CFAP47: variants seen among roughly 807,000 people sequenced by gnomAD.
CFAP47 encodes the protein cilia- and flagella-associated protein 47.
Under a neutral mutation model 148.1 loss-of-function variants are expected in CFAP47, and 29 were observed. That is an observed-to-expected ratio of 0.20 (90% CI 0.15 to 0.27). The LOEUF is 0.27. Ranked by LOEUF, CFAP47 falls within the 10% of genes least tolerant of loss-of-function variation. The pLI is 1.00. For missense variants in CFAP47, 1,872 were observed against 1,697.5 expected (o/e 1.10, Z -1.81); for synonymous variants, 664 against 577.3 (o/e 1.15, Z -2.15).
At chrX:36,057,969 A>G (rs954411448) in intron 26 of CFAP47, among the ~76,000 whole-genome samples, 2 of 111,994 alleles carry the variant, frequency 1.8e-5, no homozygotes, top group Admixed American at 1.9e-4. Flanking sequence ...AGAAGCATCA[A>G]TGGCAGGAAG....
At position 35,966,769 on chromosome X, in the gene CFAP47, A is replaced by G. The variant is rs777529745; in HGVS notation, c.1600+15A>G. 1 of 1,038,708 alleles carries G rather than the reference A, an allele frequency of 9.6e-7. No individual in the cohort carries two copies. The highest frequency in any genetic ancestry group is 3.1e-5 in the South Asian group (1 of 32,167). 85.6% of individuals were successfully genotyped at this position (1,038,708 alleles called of 1,213,427 possible). A position where few individuals can be genotyped will look rare whatever the true frequency, so the allele number is the denominator to read the frequency against. On this transcript the variant is annotated intron_variant, in intron 9 of 63. Coordinates refer to ENST00000378653, the MANE Select transcript of CFAP47 (RefSeq NM_001304548.2). ...ATTTGATCCTGGTATGCTATTGTGT[A>G]GTGCCCACCTGGCTTTGTTGTTACT...
At chrX:36,165,959 A>T (rs1947506209) in intron 39 of CFAP47, among the ~76,000 whole-genome samples, 1 of 111,627 alleles carries the variant, frequency 9.0e-6, no homozygotes, top group Admixed American at 9.6e-5. Flanking sequence ...ATACAGTCAC[A>T]TTTGGAGATA....
chrX:36,218,930 A>G (rs1940186353), intron 45 of CFAP47, among the ~76,000 whole-genome samples: 1 of 111,951 alleles, frequency 8.9e-6, no homozygotes, highest in Admixed American at 9.5e-5. Flanking sequence ...AGTCCTGGAA[A>G]TCTGCTTGGA....
intron 42 of CFAP47, among the ~76,000 whole-genome samples, chrX:36,193,912 G>A (rs1361068418): frequency 9.0e-6 from 1 of 111,089 alleles, no homozygotes; most frequent in African/African-American, 3.3e-5. Flanking sequence ...CCTTATCAAC[G>A]GTACTATCAG....
intron 57 of CFAP47, among the ~76,000 whole-genome samples, chrX:36,320,347 TA>T (rs2070028182): frequency 8.9e-6 from 1 of 112,281 alleles, no homozygotes; most frequent in Non-Finnish European, 1.9e-5. Flanking sequence ...TAACCACTAC[TA>T]ACATTTCAGT....
chrX:36,181,888 A>T (rs761576483), intron 40 of CFAP47, among the ~76,000 whole-genome samples: 40 of 112,733 alleles, frequency 3.5e-4, no homozygotes, highest in South Asian at 7.3e-4. Flanking sequence ...CTCTTGGTTT[A>T]TCATTTAGGG....
intron 42 of CFAP47, 72 bp from the exon 43 acceptor site, chrX:36,200,307 C>A (rs1398725316): frequency 3.5e-6 from 1 of 287,980 alleles, no homozygotes; most frequent in Non-Finnish European, 6.1e-6. Context: ...ATGCAGATTT[C>A]CCTTGTAGCA....
At chrX:36,372,030 ATG>A (rs200460619) in intron 62 of CFAP47, among the ~76,000 whole-genome samples, 27 of 102,435 alleles carry the variant, frequency 2.6e-4, no homozygotes, top group African/African-American at 5.0e-4. Context: ...ATATGTATAT[ATG>A]TGTGTGTGTA....
At chrX:36,134,521 A>T (rs1939007806) in intron 33 of CFAP47, among the ~76,000 whole-genome samples, 3 of 111,567 alleles carry the variant, frequency 2.7e-5, no homozygotes, top group Non-Finnish European at 5.7e-5. Context: ...TGCAAAAGCA[A>T]TTAAATCAAG....
intron 62 of CFAP47, among the ~76,000 whole-genome samples, chrX:36,378,166 G>A (rs1200308185): frequency 9.0e-6 from 1 of 111,608 alleles, no homozygotes; most frequent in Non-Finnish European, 1.9e-5. Flanking sequence ...GCAGTGTTCC[G>A]CTCTTCTTCT....
intron 33 of CFAP47, among the ~76,000 whole-genome samples, chrX:36,132,655 A>C (rs1302095054): frequency 8.9e-6 from 1 of 111,885 alleles, no homozygotes; most frequent in Non-Finnish European, 1.9e-5. Flanking sequence ...TTGAGTATAA[A>C]AGACAAGATA....
intron 57 of CFAP47, among the ~76,000 whole-genome samples, chrX:36,331,427 T>A (rs1016758070): frequency 4.5e-5 from 5 of 111,326 alleles, no homozygotes; most frequent in African/African-American, 1.6e-4. Context: ...CATCTATACA[T>A]TGTGACTTCC....
intron 26 of CFAP47, among the ~76,000 whole-genome samples, chrX:36,051,853 G>A (rs936468345): frequency 8.1e-5 from 9 of 111,105 alleles, no homozygotes; most frequent in Admixed American, 5.7e-4. Flanking sequence ...TGTCATGGGA[G>A]GGACCCAGTC....
At chrX:36,167,408 G>A (rs1324618900) in intron 39 of CFAP47, among the ~76,000 whole-genome samples, 1 of 111,368 alleles carries the variant, frequency 9.0e-6, no homozygotes, top group Non-Finnish European at 1.9e-5. Flanking sequence ...TGCTAGGTGG[G>A]CAAGGGGGCA....
At chrX:36,225,722 T>C (rs1940262878) in intron 45 of CFAP47, among the ~76,000 whole-genome samples, 1 of 111,472 alleles carries the variant, frequency 9.0e-6, no homozygotes, top group Admixed American at 9.6e-5. Context: ...TGGGCCCATG[T>C]ACTTCTTGCA....
Position 36,348,301 on chromosome X carries a change from T to C in CFAP47, c.8603+13T>C. 2.1e-6 allele frequency: 2 copies of C among 939,816 alleles called. No individual in the cohort carries two copies. Among genetic ancestry groups the C allele is most frequent in the Non-Finnish European group, 2.7e-6 (2 of 728,325 alleles). 77.5% of individuals were successfully genotyped at this position (939,816 alleles called of 1,213,427 possible). A position where few individuals can be genotyped will look rare whatever the true frequency, so the allele number is the denominator to read the frequency against. On this transcript the variant is annotated intron_variant, in intron 58 of 63. Transcript: ENST00000378653. ...TAAAATTTAAAAGGTAACATTTAAATAAAGACATTGAAGGAAAATAATTTT... is the reference window on the plus strand; with the variant it reads ...TAAAATTTAAAAGGTAACATTTAAACAAAGACATTGAAGGAAAATAATTTT...
chrX:36,367,236 G>A (rs1207067688), intron 62 of CFAP47, 109 bp downstream of exon 62: 7 of 507,824 alleles, frequency 1.4e-5, no homozygotes, highest in Non-Finnish European at 1.8e-5. Flanking sequence ...TTAAGCCAGC[G>A]CAACATTGGT....
Position 35,975,227 on chromosome X carries a change from A to C in CFAP47, c.2335A>C (p.Met779Leu), listed in dbSNP as rs150583231. 9.7e-4 allele frequency: 1,158 copies of C among 1,194,977 alleles called. 9 individuals are homozygous for C. The African/African-American group carries it at 0.018, about 18-fold the overall frequency. Reference protein sequence around the residue: ...HLLHVINMLPMHVLLQLDTDL... With the variant: ...HLLHVINMLPLHVLLQLDTDL... ...ACTTCATGTTATTAATATGCTACCTATGCATGTTTTGCTCCAGTTAGATAC... is the reference window on the plus strand; with the variant it reads ...ACTTCATGTTATTAATATGCTACCTCTGCATGTTTTGCTCCAGTTAGATAC... The change falls in exon 14 of 64, where the codon ATG (methionine) becomes CTG (leucine). Residue 779 changes from methionine (M) to leucine (L), a missense_variant. Coordinates refer to ENST00000378653, the MANE Select transcript of CFAP47 (RefSeq NM_001304548.2).
chrX:36,353,928 G>A (rs937411879), intron 60 of CFAP47, among the ~76,000 whole-genome samples: 49 of 111,658 alleles, frequency 4.4e-4, no homozygotes, highest in African/African-American at 1.5e-3. Context: ...TCAATAGTGA[G>A]AAGAGAGAAA....
Sources: gnomAD v4.1 joint callset for allele counts (sites outside exome capture counted in the v4.1 genomes callset) on GRCh38, gnomAD v4.1.1 for gene constraint, MANE v1.5 for transcripts, NCBI Gene and HGNC (gene_info 2026-07-23, HGNC 2026-07-21) for gene names.